BBS9: variants seen among roughly 807,000 people sequenced by gnomAD.
The protein encoded by BBS9 is protein PTHB1.
Under a neutral mutation model 117.7 loss-of-function variants are expected in BBS9, and 89 were observed. The ratio of observed to expected loss-of-function variants is 0.76; its 90% CI spans 0.64 to 0.90. The LOEUF is 0.90. Among genes scored for constraint, BBS9 ranks in the 40% least tolerant of loss-of-function variants. The pLI is 0.00. For missense variants in BBS9, 982 were observed against 1,042.2 expected, an observed-to-expected ratio of 0.94 and a Z score of 0.80; for synonymous variants, 379 against 370.9, an observed-to-expected ratio of 1.02 and a Z score of -0.25.
intron 21 of BBS9, among the ~76,000 whole-genome samples, chr7:33,551,695 G>T (rs1854442533): frequency 6.6e-6 from 1 of 152,144 alleles, no homozygotes; most frequent in Admixed American, 6.6e-5. Context: ...TGTTCTGGCA[G>T]GGGACAGTCA....
chr7:33,402,410 G>C (rs1829066848), intron 19 of BBS9, among the ~76,000 whole-genome samples: 1 of 152,080 alleles, frequency 6.6e-6, no homozygotes, highest in Non-Finnish European at 1.5e-5. Context: ...ACCATTTAAG[G>C]ATTTTTAGTA....
At chr7:33,468,814 A>G (rs893987612) in intron 19 of BBS9, among the ~76,000 whole-genome samples, 9 of 152,134 alleles carry the variant, frequency 5.9e-5, no homozygotes, top group African/African-American at 2.2e-4. Flanking sequence ...AGCCTCAGCT[A>G]TGCTGCTGCA....
At chr7:33,270,401 C>G (rs1249657205) in intron 7 of BBS9, among the ~76,000 whole-genome samples, 1 of 152,078 alleles carries the variant, frequency 6.6e-6, no homozygotes, top group Non-Finnish European at 1.5e-5. Flanking sequence ...AGAATATGGA[C>G]AGGAAATAAA....
intron 17 of BBS9, among the ~76,000 whole-genome samples, chr7:33,375,913 A>C (rs1823784922): frequency 6.6e-6 from 1 of 152,074 alleles, no homozygotes; most frequent in Non-Finnish European, 1.5e-5. Context: ...ATTCCAGAAA[A>C]ATTGTTTTTT....
At chr7:33,546,043 C>G (rs1343676714) in intron 21 of BBS9, among the ~76,000 whole-genome samples, 2 of 144,086 alleles carry the variant, frequency 1.4e-5, no homozygotes, top group East Asian at 4.4e-4. Flanking sequence ...ATGCCATTCT[C>G]CTGCCTCAGC....
intron 21 of BBS9, among the ~76,000 whole-genome samples, chr7:33,584,203 A>G (rs1860498019): frequency 6.6e-6 from 1 of 151,994 alleles, no homozygotes; most frequent in Admixed American, 6.6e-5. Flanking sequence ...TACCTAGTCT[A>G]TGTGATAGGT....
intron 6 of BBS9, among the ~76,000 whole-genome samples, chr7:33,259,301 A>G (rs1797581383): frequency 6.6e-6 from 1 of 152,192 alleles, no homozygotes; most frequent in Admixed American, 6.5e-5. Flanking sequence ...ATGTTTAAAT[A>G]AAAACCAGTG....
chr7:33,270,301 A>G (rs1200306354), intron 7 of BBS9, among the ~76,000 whole-genome samples: 2 of 152,238 alleles, frequency 1.3e-5, no homozygotes, highest in African/African-American at 4.8e-5. Flanking sequence ...AAAAGGCCAC[A>G]GTGTTTCCCT....
intron 9 of BBS9, among the ~76,000 whole-genome samples, chr7:33,289,390 C>T (rs994689103): frequency 1.3e-5 from 2 of 152,080 alleles, no homozygotes; most frequent in African/African-American, 4.8e-5. Context: ...TAGATTCAAA[C>T]ATAAATTATT....
At chr7:33,585,915 C>G (rs1860807820) in intron 21 of BBS9, among the ~76,000 whole-genome samples, 1 of 151,978 alleles carries the variant, frequency 6.6e-6, no homozygotes, top group Non-Finnish European at 1.5e-5. Context: ...GGCTCTACTC[C>G]TAACAGGGTC....
chr7:33,565,807 A>ATATG (rs1554539655), intron 21 of BBS9, among the ~76,000 whole-genome samples: 2 of 52,290 alleles, frequency 3.8e-5, no homozygotes, highest in Non-Finnish European at 6.2e-5. Context: ...ATATATATAT[A>ATATG]TATATATATA....
At chr7:33,169,145 A>C (rs1397387942) in intron 4 of BBS9, among the ~76,000 whole-genome samples, 4 of 151,084 alleles carry the variant, frequency 2.6e-5, no homozygotes, top group Non-Finnish European at 5.9e-5. Flanking sequence ...TGAACTCATC[A>C]TTTTTTATGG....
At chr7:33,168,105 G>A (rs560203438) in intron 4 of BBS9, among the ~76,000 whole-genome samples, 24 of 152,248 alleles carry the variant, frequency 1.6e-4, no homozygotes, top group African/African-American at 5.1e-4. Context: ...AGTGCTTCCC[G>A]TGTAATTTAA....
chr7:33,387,913 A>G (rs1826317295), intron 18 of BBS9, 79 bp from the exon 19 acceptor site: 5 of 1,470,764 alleles, frequency 3.4e-6, no homozygotes, highest in Non-Finnish European at 2.8e-6. Flanking sequence ...TTTTACTTTT[A>G]TTATCATTGT....
At chr7:33,288,134 T>C (rs1179834802) in intron 9 of BBS9, among the ~76,000 whole-genome samples, 1 of 152,124 alleles carries the variant, frequency 6.6e-6, no homozygotes, top group African/African-American at 2.4e-5. Context: ...GAGGATGGGG[T>C]GGAGCTACCA....
intron 21 of BBS9, among the ~76,000 whole-genome samples, chr7:33,611,460 AATAATAAT>A (rs1233418365): frequency 1.4e-5 from 2 of 139,374 alleles, no homozygotes; most frequent in Non-Finnish European, 1.5e-5. Flanking sequence ...TATTTAATAT[AATAATAAT>A]ATAATATATT....
intron 18 of BBS9, among the ~76,000 whole-genome samples, chr7:33,385,280 G>A (rs761385043): frequency 2.6e-5 from 4 of 152,138 alleles, no homozygotes; most frequent in African/African-American, 4.8e-5. Context: ...TGAATGACAG[G>A]CACTTTCATT....
intron 4 of BBS9, among the ~76,000 whole-genome samples, chr7:33,171,136 G>A (rs886802084): frequency 2.6e-4 from 39 of 152,208 alleles, no homozygotes; most frequent in East Asian, 1.2e-3. Context: ...AAAAGAGCCC[G>A]CATCGCCAAG....
chr7:33,564,088 A>T (rs757715353), intron 21 of BBS9, among the ~76,000 whole-genome samples: 9 of 152,246 alleles, frequency 5.9e-5, no homozygotes, highest in Admixed American at 1.3e-4. Context: ...AAAGATGAAG[A>T]TTGTCTTCTT....
Sources: gnomAD v4.1 joint callset for allele counts (sites outside exome capture counted in the v4.1 genomes callset) on GRCh38, gnomAD v4.1.1 for gene constraint, MANE v1.5 for transcripts, NCBI Gene and HGNC (gene_info 2026-07-23, HGNC 2026-07-21) for gene names.